ADAMTS20: variants seen among roughly 807,000 people sequenced by gnomAD.
The protein encoded by ADAMTS20 is A disintegrin and metalloproteinase with thrombospondin motifs 20.
Under a neutral mutation model 260.1 loss-of-function variants are expected in ADAMTS20, and 225 were observed. The observed-to-expected ratio is 0.87, with a 90% confidence interval of 0.78 to 0.97. The LOEUF (loss-of-function observed/expected upper bound fraction) is 0.97. Ranked by LOEUF, ADAMTS20 falls within the 50% of genes least tolerant of loss-of-function variation. ADAMTS20 has a pLI of 0.00. For missense variants in ADAMTS20, 2,400 were observed against 2,337.7 expected (o/e 1.03, Z -0.55); for synonymous variants, 802 against 769.5 (o/e 1.04, Z -0.70).
intron 2 of ADAMTS20, among the ~76,000 whole-genome samples, chr12:43,543,538 A>G (rs1943404242): frequency 6.6e-6 from 1 of 152,158 alleles, no homozygotes; most frequent in African/African-American, 2.4e-5. Flanking sequence ...TATTTTTCCA[A>G]GCTACAAAGA....
chr12:43,516,982 A>G (rs1194600326), intron 3 of ADAMTS20, among the ~76,000 whole-genome samples: 1 of 152,202 alleles, frequency 6.6e-6, no homozygotes, highest in South Asian at 2.1e-4. Context: ...TCATCTTGGT[A>G]CATGCAGGGA....
At chr12:43,435,653 A>C (rs11182072) in intron 18 of ADAMTS20, among the ~76,000 whole-genome samples, 43,942 of 143,050 alleles carry the variant, frequency 0.31, 7,090 homozygotes, top group East Asian at 0.73. Flanking sequence ...AAAAAAAAAA[A>C]AAAACAAAAA....
At chr12:43,477,254 G>A (rs1047414310) in intron 7 of ADAMTS20, among the ~76,000 whole-genome samples, 3 of 151,950 alleles carry the variant, frequency 2.0e-5, no homozygotes, top group African/African-American at 7.3e-5. Context: ...AGAATGTCTA[G>A]CATTCAAGCA....
rs1942867616 is a variant in ADAMTS20 at position 43,507,825 on chromosome 12, G to T, written c.614-5420C>A. Among the ~76,000 whole-genome samples, 3 of 152,126 alleles carry T rather than the reference G, an allele frequency of 2.0e-5. No homozygotes were observed. The South Asian group carries it at 6.2e-4, about 31-fold the overall frequency. On this transcript the variant is annotated intron_variant, in intron 3 of 38. Transcript: ENST00000389420. Reference sequence around the variant, plus strand: ...CTATGCAGCCATAAAAAGGAACGAGGTATCTTTTGGAGGACATGGATGAAG... The same window carrying T: ...CTATGCAGCCATAAAAAGGAACGAGTTATCTTTTGGAGGACATGGATGAAG...
At chr12:43,419,044 A>G (rs1170917054) in intron 28 of ADAMTS20, among the ~76,000 whole-genome samples, 1 of 152,182 alleles carries the variant, frequency 6.6e-6, no homozygotes, top group Non-Finnish European at 1.5e-5. Flanking sequence ...TTCAAAACTA[A>G]CGAGTCTACT....
chr12:43,431,868 CT>C (rs1331237772), intron 21 of ADAMTS20, among the ~76,000 whole-genome samples: 1,467 of 144,524 alleles, frequency 0.01, 20 homozygotes, highest in African/African-American at 0.029. Flanking sequence ...TTGTATATTT[CT>C]TTTTTTTTTT....
At chr12:43,507,346 T>TA (rs1402174763) in intron 3 of ADAMTS20, among the ~76,000 whole-genome samples, 1 of 152,196 alleles carries the variant, frequency 6.6e-6, no homozygotes, top group African/African-American at 2.4e-5. Flanking sequence ...AAAGGCTGAC[T>TA]ATGCTAGCTG....
chr12:43,417,128 T>C lies in ADAMTS20; in HGVS notation c.4284+8386A>G, dbSNP rs557231577. Among the ~76,000 whole-genome samples, 8 of 152,324 alleles carry C rather than the reference T, an allele frequency of 5.3e-5. No individual in the cohort carries two copies. In the South Asian group the frequency reaches 1.0e-3, roughly 20 times the overall value. ...TTCTTAACCCAGTGCCTGGTAGATATGGGATCTCAATAATCTTGAGTGGAA... is the reference window on the plus strand; with the variant it reads ...TTCTTAACCCAGTGCCTGGTAGATACGGGATCTCAATAATCTTGAGTGGAA... On this transcript the variant is annotated intron_variant, in intron 28 of 38. Transcript: ENST00000389420.
chr12:43,356,714 T>C, intron 37 of ADAMTS20, 126 bp from the exon 38 acceptor site: 1 of 622,064 alleles, frequency 1.6e-6, no homozygotes, highest in Middle Eastern at 4.3e-4. Context: ...GAGAAGTAAC[T>C]CTGCCCAACT....
chr12:43,438,318 G>A (rs1161918976), intron 18 of ADAMTS20, among the ~76,000 whole-genome samples: 1 of 152,090 alleles, frequency 6.6e-6, no homozygotes, highest in Non-Finnish European at 1.5e-5. Flanking sequence ...TCACAGATGA[G>A]CTTACCCACT....
At chr12:43,443,072 T>C (rs1941697336) in intron 16 of ADAMTS20, among the ~76,000 whole-genome samples, 1 of 152,218 alleles carries the variant, frequency 6.6e-6, no homozygotes, top group Non-Finnish European at 1.5e-5. Flanking sequence ...ATCTTATTAA[T>C]GTACAGCAGA....
chr12:43,367,578 AAACT>A (rs1940015111), intron 37 of ADAMTS20, among the ~76,000 whole-genome samples: 2 of 152,048 alleles, frequency 1.3e-5, no homozygotes, highest in Non-Finnish European at 2.9e-5. Flanking sequence ...CATACACATG[AAACT>A]AACATACTTA....
rs143490546 is a variant in ADAMTS20, at chr12:43,536,470, T to C, written c.454-4275A>G. 1.1e-4 allele frequency among the ~76,000 whole-genome samples: 17 copies of C among 151,288 alleles called. No homozygotes were observed. The East Asian group carries it at 3.3e-3, about 29-fold the overall frequency. Reference sequence around the variant, plus strand: ...TACTCCTATGGAAAAAGGCAACCAATAAATAAAAATATAATAGAATATGCA... The same window carrying C: ...TACTCCTATGGAAAAAGGCAACCAACAAATAAAAATATAATAGAATATGCA... On this transcript the variant is annotated intron_variant, in intron 2 of 38. Coordinates refer to ENST00000389420, the MANE Select transcript of ADAMTS20 (RefSeq NM_025003.5).
intron 16 of ADAMTS20, 25 bp downstream of exon 16, chr12:43,443,766 G>A (rs899190557): frequency 1.3e-6 from 2 of 1,573,936 alleles, no homozygotes; most frequent in Non-Finnish European, 8.7e-7. Flanking sequence ...CCACATACTG[G>A]CTGTTGTTTA....
intron 31 of ADAMTS20, among the ~76,000 whole-genome samples, chr12:43,378,367 C>A (rs191352772): frequency 4.5e-4 from 69 of 152,310 alleles, no homozygotes; most frequent in Admixed American, 3.5e-3. Context: ...ATTAACCAAA[C>A]AAAAGGCTTA....
intron 37 of ADAMTS20, among the ~76,000 whole-genome samples, chr12:43,367,410 G>A (rs1940011635): frequency 6.6e-6 from 1 of 151,966 alleles, no homozygotes; most frequent in African/African-American, 2.4e-5. Context: ...AAATCAGTGT[G>A]GTAACACTCT....
intron 29 of ADAMTS20, among the ~76,000 whole-genome samples, chr12:43,398,615 T>C (rs1173849556): frequency 6.6e-6 from 1 of 152,164 alleles, no homozygotes; most frequent in African/African-American, 2.4e-5. Flanking sequence ...TGTATCATCA[T>C]ATATATTTTT....
Position 43,492,493 on chromosome 12 carries a change from C to T in ADAMTS20, c.1076+12G>A. ...AAGGATTGTATGGGAAGGGTTATTT[C>T]TATAATCATACCTAGTGATAAGAAC... On this transcript the variant is annotated intron_variant, in intron 6 of 38. Transcript: ENST00000389420. 1.2e-6 allele frequency: 2 copies of T among 1,613,072 alleles called. No homozygotes were observed. The highest frequency in any genetic ancestry group is 1.7e-6 in the Non-Finnish European group (2 of 1,179,268).
intron 28 of ADAMTS20, chr12:43,423,686 A>T (rs1941276333): frequency 2.9e-6 from 2 of 698,400 alleles, no homozygotes; most frequent in Non-Finnish European, 5.2e-6. Context: ...GCTAATAAAA[A>T]TATCTTTTTA....
Sources: allele counts gnomAD v4.1 joint callset (sites outside exome capture counted in the v4.1 genomes callset), GRCh38; gene constraint gnomAD v4.1.1; transcripts MANE v1.5; gene names NCBI Gene and HGNC (gene_info 2026-07-23, HGNC 2026-07-21).